Variants in EFCAB8 observed in about 807,000 individuals in gnomAD.
EFCAB8 encodes the protein EF-hand calcium binding domain 8, also known as EF-hand calcium-binding domain-containing protein 8.
In EFCAB8, 100 loss-of-function variants were observed where a neutral mutation model predicts 116.3. The observed-to-expected ratio is 0.86, with a 90% CI of 0.73 to 1.02. EFCAB8 has a LOEUF of 1.02. EFCAB8 is among the 50% of genes least tolerant of loss of function. The pLI, the probability that EFCAB8 is intolerant of heterozygous loss-of-function variation, is 0.00. For missense variants in EFCAB8, 1,320 were observed against 1,416.9 expected (o/e 0.93, Z 1.10); for synonymous variants, 558 against 567.9 (o/e 0.98, Z 0.25).
In EFCAB8 at chr20:32,941,155, G is replaced by A. The variant is rs1457346296; in HGVS notation, c.2791-2481G>A. Among the ~76,000 whole-genome samples the A allele has an allele frequency of 2.0e-5, 3 of 149,362 alleles. 1 individual carries two copies. The highest frequency in any genetic ancestry group is 7.5e-5 in the African/African-American group (3 of 40,092). ...TAATCCCAGCTACTCGGGAGGCTGAGGCAGGAGAATCGCTTGAACCTGGGA... is the reference window on the plus strand; with the variant it reads ...TAATCCCAGCTACTCGGGAGGCTGAAGCAGGAGAATCGCTTGAACCTGGGA... On this transcript the variant is annotated intron_variant, in intron 22 of 26. Coordinates refer to ENST00000400522, the MANE Select transcript of EFCAB8 (RefSeq NM_001143967.2).
chr20:32,919,283 G>C (rs1478382408), intron 19 of EFCAB8, among the ~76,000 whole-genome samples: 1 of 152,122 alleles, frequency 6.6e-6, no homozygotes, highest in African/African-American at 2.4e-5. Flanking sequence ...GCTTGAGTGA[G>C]AAACACCACC....
intron 23 of EFCAB8, among the ~76,000 whole-genome samples, chr20:32,953,201 A>G (rs541171216): frequency 2.6e-5 from 4 of 152,116 alleles, no homozygotes; most frequent in African/African-American, 9.6e-5. Context: ...TATATGCCAC[A>G]TTTTCTTTAT....
chr20:32,944,046 G>T (rs961779476), intron 23 of EFCAB8, among the ~76,000 whole-genome samples: 2 of 152,078 alleles, frequency 1.3e-5, no homozygotes, highest in South Asian at 4.2e-4. Flanking sequence ...ATCTGATAAA[G>T]CATATTCCTT....
intron 20 of EFCAB8, among the ~76,000 whole-genome samples, chr20:32,925,789 G>A (rs1237974796): frequency 6.6e-6 from 1 of 152,214 alleles, no homozygotes; most frequent in African/African-American, 2.4e-5. Flanking sequence ...CCTTCTGAAG[G>A]GACCCACAGG....
chr20:32,951,503 A>T (rs993699346), intron 23 of EFCAB8, among the ~76,000 whole-genome samples: 9 of 152,218 alleles, frequency 5.9e-5, no homozygotes, highest in African/African-American at 2.2e-4. Flanking sequence ...TAGGAAATGC[A>T]AACAAATGTG....
intron 7 of EFCAB8, among the ~76,000 whole-genome samples, chr20:32,891,269 GA>G (rs1195877625): frequency 8.6e-5 from 13 of 151,694 alleles, no homozygotes; most frequent in Admixed American, 8.5e-4. Flanking sequence ...TATTTTGGTT[GA>G]AAAAAAAATA....
At chr20:32,911,370 C>A in intron 15 of EFCAB8, 110 bp from the exon 16 acceptor site, 1 of 946,348 alleles carries the variant, frequency 1.1e-6, no homozygotes, top group Non-Finnish European at 1.5e-6. Context: ...GGGCCCTGAA[C>A]GTCTGTTTTC....
At chr20:32,904,916 T>A (rs968199425) in intron 11 of EFCAB8, among the ~76,000 whole-genome samples, 4 of 152,192 alleles carry the variant, frequency 2.6e-5, no homozygotes, top group Admixed American at 6.5e-5. Context: ...CGTGAGCTAC[T>A]GTGCCTGGCC....
At chr20:32,897,575 TG>T (rs1986223256) in intron 10 of EFCAB8, among the ~76,000 whole-genome samples, 1 of 151,900 alleles carries the variant, frequency 6.6e-6, no homozygotes, top group African/African-American at 2.4e-5. Context: ...CCCGAGTAGC[TG>T]GGAATACAAG....
At chr20:32,925,241 A>C (rs1359333538) in intron 20 of EFCAB8, among the ~76,000 whole-genome samples, 1 of 152,138 alleles carries the variant, frequency 6.6e-6, no homozygotes, top group East Asian at 1.9e-4. Context: ...TATTTTTGAG[A>C]TGGAGTCTCA....
intron 26 of EFCAB8, 150 bp downstream of exon 26, chr20:32,960,311 G>T: frequency 1.3e-6 from 1 of 781,528 alleles, no homozygotes; most frequent in Non-Finnish European, 2.1e-6. Flanking sequence ...CCATGGACAG[G>T]TCTGGGATGA....
At chr20:32,894,191 A>T (rs1362456312) in intron 9 of EFCAB8, among the ~76,000 whole-genome samples, 1 of 152,186 alleles carries the variant, frequency 6.6e-6, no homozygotes, top group Non-Finnish European at 1.5e-5. Context: ...GGCCCAGGCC[A>T]CCAGGGGCCC....
chr20:32,956,974 C>A (rs1034676554), intron 23 of EFCAB8, among the ~76,000 whole-genome samples: 1 of 135,450 alleles, frequency 7.4e-6, no homozygotes, highest in African/African-American at 2.8e-5. Flanking sequence ...TTTTCAATCT[C>A]TGAATTCCAG....
Position 32,920,109 on chromosome 20 carries a change from A to G in EFCAB8, c.2306A>G (p.Gln769Arg). 1 of 1,551,774 alleles carries G rather than the reference A, an allele frequency of 6.4e-7. No individual in the cohort carries two copies. Among genetic ancestry groups the G allele is most frequent in the Non-Finnish European group, 8.7e-7 (1 of 1,146,996 alleles). Residue 769 changes from glutamine to arginine, a missense_variant, in exon 20 of 27, where the codon CAG becomes CGG. Transcript: ENST00000400522. ...TCCAGTGCTTCTGGCACATCCAGGCAGTCAAGCAAGATCCACAGCAAACAG... is the reference window on the plus strand; with the variant it reads ...TCCAGTGCTTCTGGCACATCCAGGCGGTCAAGCAAGATCCACAGCAAACAG... ...KPSSASGTSR[Q>R]SSKIHSKQSI...
chr20:32,951,650 G>A (rs978774638), intron 23 of EFCAB8, among the ~76,000 whole-genome samples: 3 of 152,142 alleles, frequency 2.0e-5, no homozygotes, highest in Non-Finnish European at 1.5e-5. Flanking sequence ...GTTATTGCAT[G>A]TCAATTATAC....
At chr20:32,873,294 T>G (rs1010405649) in intron 3 of EFCAB8, among the ~76,000 whole-genome samples, 7 of 151,784 alleles carry the variant, frequency 4.6e-5, no homozygotes, top group African/African-American at 1.7e-4. Flanking sequence ...TTGGCCAGGA[T>G]GGTCTCCATC....
At chr20:32,895,785 G>A (rs1986130409) in intron 9 of EFCAB8, among the ~76,000 whole-genome samples, 1 of 151,952 alleles carries the variant, frequency 6.6e-6, no homozygotes, top group Non-Finnish European at 1.5e-5. Flanking sequence ...TGGCCAGGCT[G>A]GTCTTGAACT....
chr20:32,903,961 C>T (rs1018908256), intron 11 of EFCAB8, among the ~76,000 whole-genome samples: 9 of 151,840 alleles, frequency 5.9e-5, no homozygotes, highest in Non-Finnish European at 1.3e-4. Context: ...CAGTGGAGGG[C>T]ATACTGTGTC....
At chr20:32,869,216 A>C (rs928751992) in intron 3 of EFCAB8, among the ~76,000 whole-genome samples, 1 of 151,006 alleles carries the variant, frequency 6.6e-6, no homozygotes, top group African/African-American at 2.4e-5. Context: ...AGGGAGAAAA[A>C]CTCCAGCAAG....
Sources: gnomAD v4.1 joint callset for allele counts (sites outside exome capture counted in the v4.1 genomes callset) on GRCh38, gnomAD v4.1.1 for gene constraint, MANE v1.5 for transcripts, NCBI Gene and HGNC (gene_info 2026-07-23, HGNC 2026-07-21) for gene names.